VANGL1: variants seen among roughly 807,000 people sequenced by gnomAD.
VANGL1 encodes VANGL planar cell polarity protein 1.
A neutral mutation model predicts 48.4 loss-of-function variants in VANGL1; 18 were observed. That is an observed-to-expected ratio of 0.37 (90% CI 0.26 to 0.55). The LOEUF is 0.55. VANGL1 is among the 20% of genes least tolerant of loss of function. The pLI, the probability that VANGL1 is intolerant of heterozygous loss-of-function variation, is 0.81. For synonymous variants in VANGL1, 257 were observed against 261.8 expected (o/e 0.98, Z 0.18); for missense variants, 667 against 675.8 (o/e 0.99, Z 0.14).
chr1:115,645,008 C>T (rs1435211878), intron 1 of VANGL1, among the ~76,000 whole-genome samples: 1 of 152,180 alleles, frequency 6.6e-6, no homozygotes, highest in Non-Finnish European at 1.5e-5. Flanking sequence ...CCAGCAGATC[C>T]TCACATCAGT....
At chr1:115,655,799 C>T (rs1230893136) in intron 2 of VANGL1, among the ~76,000 whole-genome samples, 1 of 152,138 alleles carries the variant, frequency 6.6e-6, no homozygotes, top group Non-Finnish European at 1.5e-5. Context: ...TAGGTTTTCC[C>T]TGGAGTTGTG....
At chr1:115,646,111 A>G (rs140374758) in intron 1 of VANGL1, among the ~76,000 whole-genome samples, 47 of 152,246 alleles carry the variant, frequency 3.1e-4, no homozygotes, top group Middle Eastern at 6.8e-3. Flanking sequence ...AGTGAACATG[A>G]CTTTAGGAGA....
At chr1:115,679,984 AGTGTGTGTGTGTGT>A (rs768501546) in intron 4 of VANGL1, among the ~76,000 whole-genome samples, 143 of 137,404 alleles carry the variant, frequency 1.0e-3, no homozygotes, top group Non-Finnish European at 1.4e-3. Context: ...CACACCAGGG[AGTGTGTGTGTGTGT>A]GTGTGTGTGT....
At chr1:115,651,243 G>T in intron 1 of VANGL1, 34 bp from the exon 2 acceptor site, 1 of 632,942 alleles carries the variant, frequency 1.6e-6, no homozygotes, top group Non-Finnish European at 2.8e-6. Context: ...TGGCTCTGAA[G>T]ATTAATGTCT....
chr1:115,678,578 C>T (rs983940627), intron 4 of VANGL1, among the ~76,000 whole-genome samples: 3 of 152,230 alleles, frequency 2.0e-5, no homozygotes, highest in Non-Finnish European at 4.4e-5. Flanking sequence ...GTACGTGGCA[C>T]AGCTCACTGT....
chr1:115,644,123 A>G (rs1285430768), intron 1 of VANGL1, among the ~76,000 whole-genome samples: 1 of 152,210 alleles, frequency 6.6e-6, no homozygotes, highest in Non-Finnish European at 1.5e-5. Context: ...TCCTCTATAT[A>G]AACAAACAAT....
chr1:115,659,502 G>GCT, intron 2 of VANGL1, 139 bp from the exon 3 acceptor site: 2 of 1,068,790 alleles, frequency 1.9e-6, no homozygotes, highest in East Asian at 2.6e-5. Context: ...GGGTTTTGAT[G>GCT]CTCTGTGTGT....
At chr1:115,643,947 T>C (rs990694103) in intron 1 of VANGL1, among the ~76,000 whole-genome samples, 6 of 152,204 alleles carry the variant, frequency 3.9e-5, no homozygotes, top group Admixed American at 1.3e-4. Context: ...GGTCTCCACA[T>C]TGGGGCTGTG....
intron 4 of VANGL1, among the ~76,000 whole-genome samples, chr1:115,668,979 G>A (rs1386023255): frequency 1.3e-5 from 2 of 152,200 alleles, no homozygotes; most frequent in African/African-American, 2.4e-5. Flanking sequence ...GAGGCTACTA[G>A]GATGTTAAGT....
In VANGL1 at chr1:115,663,909, G is replaced by A. The variant is rs759094384; in HGVS notation, c.453G>A (p.Gly151=). Reference sequence around the variant, plus strand: ...AGCCTTGTGGCACAATTTGTGAGGGGCTCTTTATCTCCATGGCATTCAAAC... The same window carrying A: ...AGCCTTGTGGCACAATTTGTGAGGGACTCTTTATCTCCATGGCATTCAAAC... The part of the protein sequence containing the change: ...ELEPCGTICE[G]LFISMAFKLL... The change falls in exon 4 of 8, where the codon GGG becomes GGA. Residue 151 remains glycine, a synonymous_variant. Coordinates refer to ENST00000355485, the MANE Select transcript of VANGL1 (RefSeq NM_138959.3). 5 of 1,614,214 alleles carry A rather than the reference G, an allele frequency of 3.1e-6. No homozygotes were observed. The highest frequency in any genetic ancestry group is 4.2e-6 in the Non-Finnish European group (5 of 1,180,050).
chr1:115,678,347 C>G (rs1328553780), intron 4 of VANGL1, among the ~76,000 whole-genome samples: 1 of 152,184 alleles, frequency 6.6e-6, no homozygotes, highest in African/African-American at 2.4e-5. Context: ...TGGGCACGGA[C>G]AGTGGCGGAG....
intron 5 of VANGL1, 106 bp downstream of exon 5, chr1:115,682,603 A>C (rs1653435509): frequency 1.3e-6 from 2 of 1,533,922 alleles, no homozygotes; most frequent in African/African-American, 2.7e-5. Context: ...GCCTACCTTT[A>C]TGGTACATTC....
intron 2 of VANGL1, among the ~76,000 whole-genome samples, chr1:115,654,129 T>C (rs1652254666): frequency 6.6e-6 from 1 of 152,158 alleles, no homozygotes; most frequent in African/African-American, 2.4e-5. Context: ...CTGTGAAGGC[T>C]GCCCTGCTCA....
chr1:115,678,407 A>G (rs950230130), intron 4 of VANGL1, among the ~76,000 whole-genome samples: 8 of 152,216 alleles, frequency 5.3e-5, no homozygotes, highest in Non-Finnish European at 7.3e-5. Flanking sequence ...GACTGAGGCC[A>G]TGGCATAGTA....
intron 4 of VANGL1, among the ~76,000 whole-genome samples, chr1:115,664,573 T>C (rs1405546422): frequency 6.6e-6 from 1 of 152,204 alleles, no homozygotes; most frequent in African/African-American, 2.4e-5. Context: ...ATGGCTGCCT[T>C]CTTTGACTCT....
At chr1:115,682,218 A>G (rs1653420148) in intron 4 of VANGL1, 146 bp from the exon 5 acceptor site, 5 of 1,176,964 alleles carry the variant, frequency 4.2e-6, no homozygotes, top group Non-Finnish European at 6.0e-6. Flanking sequence ...CCTGGAGACC[A>G]GAAGTGTGGT....
chr1:115,666,645 G>C (rs532526999), intron 4 of VANGL1, among the ~76,000 whole-genome samples: 71 of 152,294 alleles, frequency 4.7e-4, no homozygotes, highest in African/African-American at 1.7e-3. Context: ...CATCTGCCCT[G>C]GGGAGAGCGT....
At chr1:115,680,169 G>A (rs1653332492) in intron 4 of VANGL1, among the ~76,000 whole-genome samples, 1 of 152,154 alleles carries the variant, frequency 6.6e-6, no homozygotes, top group Non-Finnish European at 1.5e-5. Flanking sequence ...CTTGGAGATT[G>A]CCAGGTGAGA....
chr1:115,649,549 G>A (rs1353091572), intron 1 of VANGL1, among the ~76,000 whole-genome samples: 2 of 152,242 alleles, frequency 1.3e-5, no homozygotes, highest in African/African-American at 2.4e-5. Flanking sequence ...AACCCGCAAA[G>A]AGAGTGCTGA....
Sources: gnomAD v4.1 joint callset for allele counts (sites outside exome capture counted in the v4.1 genomes callset) on GRCh38, gnomAD v4.1.1 for gene constraint, MANE v1.5 for transcripts, NCBI Gene and HGNC (gene_info 2026-07-23, HGNC 2026-07-21) for gene names.